CYFIP1: variants seen among roughly 807,000 people sequenced by gnomAD.
The protein encoded by CYFIP1 is cytoplasmic FMR1-interacting protein 1.
A neutral mutation model predicts 163.5 loss-of-function variants in CYFIP1; 58 were observed. That is an observed-to-expected ratio of 0.35 (90% confidence interval 0.29 to 0.44). The LOEUF is 0.44. Ranked by LOEUF, CYFIP1 falls within the 20% of genes least tolerant of loss-of-function variation. The pLI is 1.00. For missense variants in CYFIP1, 1,338 were observed against 1,653.8 expected (o/e 0.81, Z 3.31); for synonymous variants, 663 against 660.7 (o/e 1.00, Z -0.05).
intron 9 of CYFIP1, 40 bp downstream of exon 9, chr15:22,937,064 C>G (rs2061733292): frequency 1.4e-6 from 2 of 1,391,170 alleles, no homozygotes; most frequent in East Asian, 2.3e-5. Context: ...AAAGTGCACA[C>G]AAATCAATAA....
intron 22 of CYFIP1, among the ~76,000 whole-genome samples, chr15:22,902,691 GAAAAGCC>G (rs2060435617): frequency 6.6e-6 from 1 of 152,220 alleles, no homozygotes; most frequent in Non-Finnish European, 1.5e-5. Context: ...CCCCTGAGCT[GAAAAGCC>G]AAGCCAGGTG....
At chr15:22,894,701 T>C (rs894521832) in intron 22 of CYFIP1, among the ~76,000 whole-genome samples, 1 of 151,716 alleles carries the variant, frequency 6.6e-6, no homozygotes, top group Non-Finnish European at 1.5e-5. Context: ...TTGTCTATGA[T>C]ATAACTCAGA....
chr15:22,905,173 T>C (rs191257205), intron 21 of CYFIP1: 12 of 152,306 alleles, frequency 7.9e-5, no homozygotes, highest in Admixed American at 7.2e-4. Context: ...AAATGTATTA[T>C]TATTATTTTT....
chr15:22,951,286 G>A, intron 1 of CYFIP1: 1 of 1,112,950 alleles, frequency 9.0e-7, no homozygotes, highest in Non-Finnish European at 1.1e-6. Flanking sequence ...TTCCTCACTA[G>A]AAATCTACAT....
At chr15:22,949,252 G>A (rs570459655) in intron 1 of CYFIP1, among the ~76,000 whole-genome samples, 8 of 135,512 alleles carry the variant, frequency 5.9e-5, no homozygotes, top group African/African-American at 8.2e-5. Flanking sequence ...GCCGGAGGGC[G>A]GGCACAATGT....
Position 22,917,087 on chromosome 15 carries a change from C to T in CYFIP1, c.1675-457G>A. 1 of 1,479,258 alleles carries T rather than the reference C, an allele frequency of 6.8e-7. No individual in the cohort carries two copies. The highest frequency in any genetic ancestry group is 8.9e-7 in the Non-Finnish European group (1 of 1,118,062). The allele number at this position is 1,479,258 out of a possible 1,614,324, so 91.6% of individuals were successfully genotyped here. A position where few individuals can be genotyped will look rare whatever the true frequency, so the allele number is the denominator to read the frequency against. On this transcript the variant is annotated intron_variant, in intron 15 of 30. Transcript: ENST00000617928. This position sits in a 1 kb window ranked among gnomAD's most constrained non-coding sequence, Gnocchi z 4.2. ...AGAGAGACGTTAGTCACTCGACACA[C>T]ACACCCCAGGCAGGGACACGGGACG... is the stretch of plus-strand genomic sequence containing the variant.
rs1476806781 is a variant in CYFIP1 at position 22,880,206 on chromosome 15, T to C, written c.2912-163A>G. Among the ~76,000 whole-genome samples, 4 of 152,252 alleles carry C rather than the reference T, an allele frequency of 2.6e-5. No individual in the cohort carries two copies. In the Middle Eastern group the frequency reaches 0.01, roughly 388 times the overall value. ...CCCAGCATCTTCCCTGCAGCGGTGG[T>C]TTATTCGCCACCTGGGCACGTTCTC... is the stretch of plus-strand genomic sequence containing the variant. On this transcript the variant is annotated intron_variant, in intron 25 of 30. Transcript: ENST00000617928.
chr15:22,970,948 G>A lies in CYFIP1; in HGVS notation c.-7+9339C>T, dbSNP rs56301338. On this transcript the variant is annotated intron_variant, in intron 1 of 30. Transcript: ENST00000617928. ...AAAATTAGCTGGGTGTGGTGGCGGG[G>A]GCCTGTAATCCCAGCTCCTAGAGAG... Among the ~76,000 whole-genome samples, 139 of 151,774 alleles carry A rather than the reference G, an allele frequency of 9.2e-4. 1 individual carries two copies. Among genetic ancestry groups the A allele is most frequent in the Non-Finnish European group, 1.3e-3 (85 of 67,918 alleles).
At chr15:22,971,667 ACT>A (rs1300566984) in intron 1 of CYFIP1, among the ~76,000 whole-genome samples, 2 of 149,416 alleles carry the variant, frequency 1.3e-5, no homozygotes, top group Admixed American at 1.3e-4. Context: ...CAAGACCAAA[ACT>A]CTGTCTCAAA....
intron 13 of CYFIP1, among the ~76,000 whole-genome samples, chr15:22,919,470 T>C (rs2061105609): frequency 6.6e-6 from 1 of 152,212 alleles, no homozygotes; most frequent in African/African-American, 2.4e-5. Flanking sequence ...TTGCATGAGC[T>C]TTCTTACGGC....
intron 23 of CYFIP1, among the ~76,000 whole-genome samples, chr15:22,889,020 A>G (rs2059997043): frequency 6.6e-6 from 1 of 150,410 alleles, no homozygotes; most frequent in Non-Finnish European, 1.5e-5. Context: ...ACTCCAGCCT[A>G]GGGGACAGAC....
rs2142107880 is a variant in CYFIP1, at chr15:22,917,327, G to A, written c.1674+461C>T. The A allele has an allele frequency of 7.7e-7, 1 of 1,306,070 alleles. No homozygotes were observed. Among genetic ancestry groups the A allele is most frequent in the East Asian group, 3.1e-5 (1 of 31,850 alleles). 80.9% of individuals were successfully genotyped at this position (1,306,070 alleles called of 1,614,324 possible). A position where few individuals can be genotyped will look rare whatever the true frequency, so the allele number is the denominator to read the frequency against. Reference sequence around the variant, plus strand: ...GGATTAAACCGGGTGTGAAAGTCGTGAGAAGCACCTCGGGGAGGCCTGAAC... The same window carrying A: ...GGATTAAACCGGGTGTGAAAGTCGTAAGAAGCACCTCGGGGAGGCCTGAAC... On this transcript the variant is annotated intron_variant, in intron 15 of 30. Transcript: ENST00000617928. The surrounding 1 kb of genome is among the most constrained non-coding windows in gnomAD (Gnocchi z 4.2).
At chr15:22,937,596 C>CTTTT (rs919893437) in intron 8 of CYFIP1, among the ~76,000 whole-genome samples, 14 of 143,826 alleles carry the variant, frequency 9.7e-5, no homozygotes, top group East Asian at 2.0e-4. Flanking sequence ...ACTAAAAATT[C>CTTTT]TTTTTTTGTT....
intron 1 of CYFIP1, among the ~76,000 whole-genome samples, chr15:22,978,989 A>G (rs1022678488): frequency 1.3e-5 from 2 of 152,166 alleles, no homozygotes; most frequent in African/African-American, 4.8e-5. Flanking sequence ...GAATCTTACT[A>G]AAAGTTTAAA....
intron 1 of CYFIP1, among the ~76,000 whole-genome samples, chr15:22,958,788 A>C (rs999068984): frequency 9.9e-5 from 15 of 152,210 alleles, no homozygotes; most frequent in African/African-American, 3.6e-4. Context: ...GTGGTTTTCA[A>C]ACCATGCGCC....
At chr15:22,925,905 A>G (rs2061342076) in intron 13 of CYFIP1, 77 bp downstream of exon 13, 1 of 1,579,598 alleles carries the variant, frequency 6.3e-7, no homozygotes, top group Non-Finnish European at 8.6e-7. Flanking sequence ...AGTTTTGTTC[A>G]TGTTTTTGCT....
chr15:22,887,858 T>C (rs1258129633), intron 23 of CYFIP1, among the ~76,000 whole-genome samples: 1 of 152,146 alleles, frequency 6.6e-6, no homozygotes, highest in African/African-American at 2.4e-5. Flanking sequence ...AGACAGACTC[T>C]GCTGCCCGTG....
chr15:22,918,861 G>T lies in CYFIP1; in HGVS notation c.1360-3C>A. On this transcript the variant is annotated splice_region_variant and splice_polypyrimidine_tract_variant and intron_variant, in intron 13 of 30. Coordinates refer to ENST00000617928, the MANE Select transcript of CYFIP1 (RefSeq NM_014608.6). ...AGGCCTTTGATCATGGCGATCACCT[G>T]CGGGGGACACAGCAACAGGGACGGC... is the stretch of plus-strand genomic sequence containing the variant. The T allele has an allele frequency of 1.3e-6, 2 of 1,593,774 alleles. No individual in the cohort carries two copies. Among genetic ancestry groups the T allele is most frequent in the Non-Finnish European group, 1.7e-6 (2 of 1,170,806 alleles).
At chr15:22,966,214 C>T (rs371636024) in intron 1 of CYFIP1, among the ~76,000 whole-genome samples, 1 of 151,636 alleles carries the variant, frequency 6.6e-6, no homozygotes, top group Non-Finnish European at 1.5e-5. Context: ...ATTAGCCAGG[C>T]GTGGTGGCGT....
Sources: gnomAD v4.1 joint callset for allele counts (sites outside exome capture counted in the v4.1 genomes callset) on GRCh38, gnomAD v4.1.1 for gene constraint, Gnocchi (gnomAD v3.1) non-coding constraint, MANE v1.5 for transcripts, NCBI Gene and HGNC (gene_info 2026-07-23, HGNC 2026-07-21) for gene names.